Variants in CHST9 observed in about 807,000 individuals in gnomAD.
CHST9 encodes the protein GalNAc-4-sulfotransferase 2.
Under a neutral mutation model 44.4 loss-of-function variants are expected in CHST9, and 41 were observed. The ratio of observed to expected loss-of-function variants is 0.92; its 90% confidence interval spans 0.72 to 1.20. The LOEUF is 1.20. Among genes scored for constraint, CHST9 ranks in the 50% most tolerant of loss-of-function variants. The probability of loss-of-function intolerance (pLI) is 0.00; values close to 1 mark genes in which losing one functional copy is unlikely to be tolerated. For missense variants in CHST9, 504 were observed against 516.5 expected (o/e 0.98, Z 0.23); for synonymous variants, 171 against 178.4 (o/e 0.96, Z 0.33).
intron 5 of CHST9, among the ~76,000 whole-genome samples, chr18:26,932,794 G>GAA (rs2055903521): frequency 6.6e-6 from 1 of 152,146 alleles, no homozygotes; most frequent in Admixed American, 6.5e-5. Flanking sequence ...TTCTCTTATA[G>GAA]AACTCTTTTT....
At chr18:27,007,617 A>T (rs1297837865) in intron 4 of CHST9, among the ~76,000 whole-genome samples, 1 of 152,174 alleles carries the variant, frequency 6.6e-6, no homozygotes, top group Non-Finnish European at 1.5e-5. Flanking sequence ...GAAGAACAAA[A>T]CTCAAAGGGA....
chr18:27,117,386 C>T (rs2058335148), intron 2 of CHST9, among the ~76,000 whole-genome samples: 1 of 152,138 alleles, frequency 6.6e-6, no homozygotes, highest in Admixed American at 6.5e-5. Flanking sequence ...ACACTGGTTA[C>T]ACATGAACAT....
At chr18:27,174,680 C>T (rs1480245596) in intron 1 of CHST9, among the ~76,000 whole-genome samples, 2 of 151,892 alleles carry the variant, frequency 1.3e-5, no homozygotes, top group Admixed American at 1.3e-4. Context: ...ATTTCTTTTT[C>T]ATTATCAGCT....
intron 4 of CHST9, among the ~76,000 whole-genome samples, chr18:27,005,666 T>C (rs887528166): frequency 6.6e-6 from 1 of 152,114 alleles, no homozygotes; most frequent in African/African-American, 2.4e-5. Flanking sequence ...ATTTTATTGA[T>C]GAGGAAACTG....
intron 2 of CHST9, among the ~76,000 whole-genome samples, chr18:27,067,524 T>C (rs1227446013): frequency 1.3e-5 from 2 of 152,198 alleles, no homozygotes; most frequent in Non-Finnish European, 2.9e-5. Flanking sequence ...AACTCAATTC[T>C]GTCAATTTTA....
chr18:26,912,828 G>A lies in CHST9; in HGVS notation c.*3431C>T, dbSNP rs563584980. The A allele has an allele frequency of 1.3e-5, 2 of 152,334 alleles. No homozygotes were observed. The highest frequency in any genetic ancestry group is 3.9e-4 in the East Asian group (2 of 5,188). 9.4% of individuals were successfully genotyped at this position (152,334 alleles called of 1,614,324 possible). ...CATGATTGAGATTGAGAAGGTATGA[G>A]CCTAAATGTAGGACTAAATTGAATT... is the stretch of plus-strand genomic sequence containing the variant. On this transcript the variant is annotated 3_prime_UTR_variant, in exon 6 of 6. Transcript: ENST00000618847.
chr18:27,087,869 T>C (rs893092938), intron 2 of CHST9, among the ~76,000 whole-genome samples: 3 of 152,220 alleles, frequency 2.0e-5, no homozygotes, highest in Admixed American at 1.3e-4. Flanking sequence ...TTGTTGGTCC[T>C]AGACACTGCC....
intron 1 of CHST9, among the ~76,000 whole-genome samples, chr18:27,182,700 T>C (rs1191572305): frequency 1.3e-5 from 2 of 152,228 alleles, no homozygotes; most frequent in Non-Finnish European, 2.9e-5. Context: ...TCTTGCTTTA[T>C]TGATGACATC....
chr18:27,144,010 C>T (rs573968344), intron 1 of CHST9, among the ~76,000 whole-genome samples: 1 of 152,216 alleles, frequency 6.6e-6, no homozygotes, highest in South Asian at 2.1e-4. Context: ...AATCCCTGTT[C>T]CCAATGAACT....
intron 4 of CHST9, among the ~76,000 whole-genome samples, chr18:26,992,748 G>C (rs16943135): frequency 0.019 from 2,921 of 152,028 alleles, 111 homozygotes; most frequent in African/African-American, 0.067. Flanking sequence ...GAACGGGACA[G>C]AAAAATGAAA....
chr18:27,150,531 A>G (rs1322498276), intron 1 of CHST9, among the ~76,000 whole-genome samples: 1 of 151,990 alleles, frequency 6.6e-6, no homozygotes, highest in Non-Finnish European at 1.5e-5. Context: ...CCAAATTTAA[A>G]GTCTAACAGG....
intron 5 of CHST9, 30 bp from the exon 6 acceptor site, chr18:26,917,380 A>G: frequency 6.3e-7 from 1 of 1,593,574 alleles, no homozygotes; most frequent in Non-Finnish European, 8.5e-7. Flanking sequence ...GAAATGTTGA[A>G]AGCACAGTCA....
intron 4 of CHST9, among the ~76,000 whole-genome samples, chr18:26,957,099 C>A (rs139485157): frequency 6.6e-6 from 1 of 152,238 alleles, no homozygotes; most frequent in East Asian, 1.9e-4. Context: ...CTGTATTTAT[C>A]GAGCGATGCC....
chr18:26,917,894 A>C (rs1372745456), intron 5 of CHST9, among the ~76,000 whole-genome samples: 1 of 152,010 alleles, frequency 6.6e-6, no homozygotes, highest in African/African-American at 2.4e-5. Context: ...TTCCTGGGAA[A>C]ATGTTTTATT....
At chr18:26,989,910 A>T (rs759453404) in intron 4 of CHST9, among the ~76,000 whole-genome samples, 11 of 152,348 alleles carry the variant, frequency 7.2e-5, no homozygotes, top group East Asian at 3.9e-4. Flanking sequence ...AGATCATGCC[A>T]CTGCACTCTA....
chr18:27,064,117 G>C (rs1337313416), intron 2 of CHST9, among the ~76,000 whole-genome samples: 3 of 152,102 alleles, frequency 2.0e-5, no homozygotes, highest in Non-Finnish European at 4.4e-5. Flanking sequence ...AATCAGGCCT[G>C]AGTATGAATA....
chr18:27,141,663 T>A (rs1351229776), intron 2 of CHST9, among the ~76,000 whole-genome samples: 1 of 147,832 alleles, frequency 6.8e-6, no homozygotes, highest in African/African-American at 2.5e-5. Flanking sequence ...GAAACAATTT[T>A]AAAAATAATC....
At chr18:27,130,824 T>A (rs1306367364) in intron 2 of CHST9, among the ~76,000 whole-genome samples, 2 of 152,090 alleles carry the variant, frequency 1.3e-5, no homozygotes, top group African/African-American at 4.8e-5. Context: ...AAACCTACTG[T>A]TGAAAGAAAA....
At chr18:26,930,412 G>T (rs1019062918) in intron 5 of CHST9, among the ~76,000 whole-genome samples, 1 of 152,218 alleles carries the variant, frequency 6.6e-6, no homozygotes, top group Non-Finnish European at 1.5e-5. Context: ...TGAGGTCAGA[G>T]TGAATAGAGC....
Sources: gnomAD v4.1 joint callset for allele counts (sites outside exome capture counted in the v4.1 genomes callset) on GRCh38, gnomAD v4.1.1 for gene constraint, MANE v1.5 for transcripts, NCBI Gene and HGNC (gene_info 2026-07-23, HGNC 2026-07-21) for gene names.